NKD1: variants seen among roughly 807,000 people sequenced by gnomAD.
The protein encoded by NKD1 is NKD inhibitor of Wnt signaling pathway 1.
Under a neutral mutation model 56.0 loss-of-function variants are expected in NKD1, and 21 were observed. The observed-to-expected ratio is 0.38, with a 90% CI of 0.27 to 0.54. NKD1 has a LOEUF of 0.54. Among genes scored for constraint, NKD1 ranks in the 20% least tolerant of loss-of-function variants. The pLI, the probability that NKD1 is intolerant of heterozygous loss-of-function variation, is 0.82. For missense variants in NKD1, 578 were observed against 642.7 expected (o/e 0.90, Z 1.09); for synonymous variants, 263 against 265.7 (o/e 0.99, Z 0.10).
At chr16:50,617,567 C>G (rs1230099172) in intron 4 of NKD1, among the ~76,000 whole-genome samples, 3 of 152,196 alleles carry the variant, frequency 2.0e-5, no homozygotes, top group Middle Eastern at 6.8e-3. Context: ...AGGCTGGGAG[C>G]TAATGGGGAG....
Position 50,640,722 on chromosome 16 carries a change from A to G in NKD1, c.*6941A>G, listed in dbSNP as rs577733528. The G allele has an allele frequency of 6.2e-4, 94 of 152,358 alleles. 1 individual carries two copies. The highest frequency in any genetic ancestry group is 2.2e-3 in the African/African-American group (91 of 41,574). The allele number at this position is 152,358 out of a possible 1,614,324, so 9.4% of individuals were successfully genotyped here. On this transcript the variant is annotated 3_prime_UTR_variant, in exon 10 of 10. Transcript: ENST00000268459. The stretch of plus-strand genomic sequence containing the variant: ...TTTACAAAGCAGTCACATTTCAAAT[A>G]AAAGTCTGGGAAAGCAACACATCAT...
intron 4 of NKD1, among the ~76,000 whole-genome samples, chr16:50,618,938 A>C (rs1197127235): frequency 6.6e-6 from 1 of 152,234 alleles, no homozygotes; most frequent in African/African-American, 2.4e-5. Context: ...GAGGGAAGAC[A>C]GGCTGTCCGT....
intron 3 of NKD1, among the ~76,000 whole-genome samples, chr16:50,584,279 C>T (rs770872361): frequency 6.6e-6 from 1 of 152,196 alleles, no homozygotes; most frequent in Non-Finnish European, 1.5e-5. Flanking sequence ...GTGGACTCCC[C>T]AGTGCCTTAT....
intron 3 of NKD1, chr16:50,575,335 T>C: frequency 5.1e-6 from 5 of 985,384 alleles, no homozygotes; most frequent in Non-Finnish European, 6.0e-6. Context: ...AAGTGTTTGC[T>C]TCATAGGCCA....
chr16:50,602,070 G>C (rs1033840958), intron 3 of NKD1, among the ~76,000 whole-genome samples: 3 of 152,204 alleles, frequency 2.0e-5, no homozygotes, highest in Non-Finnish European at 4.4e-5. Flanking sequence ...GGGATGGGCT[G>C]GGTAATTTCC....
At chr16:50,573,321 G>A (rs998861028) in intron 3 of NKD1, among the ~76,000 whole-genome samples, 2 of 151,606 alleles carry the variant, frequency 1.3e-5, no homozygotes, top group African/African-American at 4.9e-5. Flanking sequence ...CAGCTGGAGG[G>A]TTGCTATGGA....
intron 3 of NKD1, among the ~76,000 whole-genome samples, chr16:50,593,285 G>C (rs1316693699): frequency 6.6e-6 from 1 of 152,176 alleles, no homozygotes. Flanking sequence ...TAAGCCAAAA[G>C]GGGAGATTTT....
chr16:50,575,296 C>A (rs1363247892), intron 3 of NKD1: 2 of 985,270 alleles, frequency 2.0e-6, no homozygotes, highest in Non-Finnish European at 2.4e-6. Flanking sequence ...TGCCCAGAGG[C>A]TGGCTGGTTT....
intron 3 of NKD1, among the ~76,000 whole-genome samples, chr16:50,587,212 T>C (rs540356826): frequency 6.6e-6 from 1 of 152,324 alleles, no homozygotes; most frequent in South Asian, 2.1e-4. Context: ...GTGGGGATGA[T>C]GCAAAAATGC....
intron 4 of NKD1, 121 bp downstream of exon 4, chr16:50,608,481 T>G: frequency 1.4e-6 from 1 of 710,044 alleles, no homozygotes. Context: ...AGGGACCTTG[T>G]GACTCTGGGT....
At chr16:50,609,801 G>T (rs1188200373) in intron 4 of NKD1, among the ~76,000 whole-genome samples, 2 of 152,208 alleles carry the variant, frequency 1.3e-5, no homozygotes, top group Admixed American at 6.5e-5. Flanking sequence ...TTACTCAAAT[G>T]TAAGCAGGCC....
chr16:50,626,278 G>C (rs1962212524), intron 6 of NKD1, among the ~76,000 whole-genome samples: 1 of 152,194 alleles, frequency 6.6e-6, no homozygotes, highest in African/African-American at 2.4e-5. Flanking sequence ...GACACAGCAG[G>C]GAACAAAACA....
intron 3 of NKD1, among the ~76,000 whole-genome samples, chr16:50,551,387 G>T (rs1220481602): frequency 6.6e-6 from 1 of 152,230 alleles, no homozygotes; most frequent in Non-Finnish European, 1.5e-5. Flanking sequence ...ATGCTGAGAG[G>T]TCATTAATGT....
rs1356387864 is a variant in NKD1, at chr16:50,636,734, A to G, written c.*2953A>G. On this transcript the variant is annotated 3_prime_UTR_variant, in exon 10 of 10. Coordinates refer to ENST00000268459, the MANE Select transcript of NKD1 (RefSeq NM_033119.5). ...AATAAATGCATTTCTATATCTTCCCATATGCATTTTGTTAATTTTTAAAGT... is the reference window on the plus strand; with the variant it reads ...AATAAATGCATTTCTATATCTTCCCGTATGCATTTTGTTAATTTTTAAAGT... 1 of 152,184 alleles carries G rather than the reference A, an allele frequency of 6.6e-6. No individual in the cohort carries two copies. Among genetic ancestry groups the G allele is most frequent in the Non-Finnish European group, 1.5e-5 (1 of 68,032 alleles). The allele number at this position is 152,184 out of a possible 1,614,324, so 9.4% of individuals were successfully genotyped here. A position where few individuals can be genotyped will look rare whatever the true frequency, so the allele number is the denominator to read the frequency against.
intron 3 of NKD1, among the ~76,000 whole-genome samples, chr16:50,584,395 T>A (rs557819402): frequency 6.6e-6 from 1 of 152,322 alleles, no homozygotes; most frequent in South Asian, 2.1e-4. Flanking sequence ...ATGGAATCAG[T>A]TAGGCATGAA....
Position 50,634,051 on chromosome 16 carries a change from C to T in NKD1, c.*270C>T, listed in dbSNP as rs1017981790. 2 of 319,608 alleles carry T rather than the reference C, an allele frequency of 6.3e-6. No homozygotes were observed. The highest frequency in any genetic ancestry group is 2.2e-5 in the African/African-American group (1 of 46,414). The allele number at this position is 319,608 out of a possible 1,614,324, so 19.8% of individuals were successfully genotyped here. On this transcript the variant is annotated 3_prime_UTR_variant, in exon 10 of 10. Coordinates refer to ENST00000268459, the MANE Select transcript of NKD1 (RefSeq NM_033119.5). ...AATGGGCAGAGGCTCCCTCGGGGCT[C>T]GGGATCTGCAGCATCTATGTGGATC...
At chr16:50,600,810 G>C (rs1216945276) in intron 3 of NKD1, among the ~76,000 whole-genome samples, 1 of 152,122 alleles carries the variant, frequency 6.6e-6, no homozygotes, top group Non-Finnish European at 1.5e-5. Context: ...TCAGAGTCAG[G>C]CCCAGGGTCT....
rs958461694 is a variant in NKD1, at chr16:50,614,285, T to C, written c.259+5925T>C. On this transcript the variant is annotated intron_variant, in intron 4 of 9. Transcript: ENST00000268459. ...CACTTAAACTTTTGGCTCATGAAAT[T>C]GAAAAATCCTAGGGTAGATCTTGCC... 5.3e-5 allele frequency among the ~76,000 whole-genome samples: 8 copies of C among 152,206 alleles called. 1 individual carries two copies. The highest frequency in any genetic ancestry group is 1.9e-4 in the African/African-American group (8 of 41,438).
chr16:50,589,833 T>TCTCTC (rs1446325855), intron 3 of NKD1, among the ~76,000 whole-genome samples: 4 of 129,408 alleles, frequency 3.1e-5, no homozygotes, highest in African/African-American at 1.2e-4. Flanking sequence ...TCTCCTCTCT[T>TCTCTC]TTCTCTTCTC....
Sources: allele counts gnomAD v4.1 joint callset (sites outside exome capture counted in the v4.1 genomes callset), GRCh38; gene constraint gnomAD v4.1.1; transcripts MANE v1.5; gene names NCBI Gene and HGNC (gene_info 2026-07-23, HGNC 2026-07-21).